Variants in MTUS2 observed in about 807,000 individuals in gnomAD.
MTUS2 encodes microtubule-associated tumor suppressor candidate 2.
Under a neutral mutation model 114.1 loss-of-function variants are expected in MTUS2, and 40 were observed. The ratio of observed to expected loss-of-function variants is 0.35; its 90% CI spans 0.27 to 0.46. MTUS2 has a LOEUF of 0.46. Ranked by LOEUF, MTUS2 falls within the 20% of genes least tolerant of loss-of-function variation. The probability of loss-of-function intolerance (pLI) is 1.00; values close to 1 mark genes in which losing one functional copy is unlikely to be tolerated. For synonymous variants in MTUS2, 688 were observed against 672.0 expected (o/e 1.02, Z -0.37); for missense variants, 1,679 against 1,705.4 (o/e 0.98, Z 0.27).
intron 4 of MTUS2, among the ~76,000 whole-genome samples, chr13:29,051,869 A>G (rs1007044365): frequency 6.6e-6 from 1 of 152,232 alleles, no homozygotes; most frequent in African/African-American, 2.4e-5. Context: ...TATAAGGGGC[A>G]AATAGCAAAA....
chr13:28,878,389 T>C (rs769292072), intron 2 of MTUS2, among the ~76,000 whole-genome samples: 1 of 152,186 alleles, frequency 6.6e-6, no homozygotes, highest in Non-Finnish European at 1.5e-5. Flanking sequence ...TTGTTGCATA[T>C]GTAAACATGT....
intron 2 of MTUS2, among the ~76,000 whole-genome samples, chr13:28,919,034 T>C (rs1446012389): frequency 6.6e-6 from 1 of 152,112 alleles, no homozygotes; most frequent in Non-Finnish European, 1.5e-5. Flanking sequence ...TTCTGTGTTG[T>C]AAAGTTTTTG....
intron 8 of MTUS2, among the ~76,000 whole-genome samples, chr13:29,402,670 A>G (rs1341302057): frequency 6.6e-6 from 1 of 152,216 alleles, no homozygotes; most frequent in Non-Finnish European, 1.5e-5. Flanking sequence ...TCCTTATAAT[A>G]TTCCAGTTCT....
At chr13:29,220,647 A>G (rs1405056846) in intron 5 of MTUS2, among the ~76,000 whole-genome samples, 1 of 152,238 alleles carries the variant, frequency 6.6e-6, no homozygotes, top group East Asian at 1.9e-4. Flanking sequence ...TTATATGGAT[A>G]TGGTTTTTGT....
intron 5 of MTUS2, among the ~76,000 whole-genome samples, chr13:29,159,606 G>A (rs1893009902): frequency 6.6e-6 from 1 of 151,630 alleles, no homozygotes; most frequent in African/African-American, 2.4e-5. Context: ...CCACATATCT[G>A]ACAAAGGACT....
chr13:29,342,614 T>C (rs61092600), intron 7 of MTUS2, among the ~76,000 whole-genome samples: 3,630 of 152,206 alleles, frequency 0.024, 137 homozygotes, highest in African/African-American at 0.082. Flanking sequence ...ACAGCGACAG[T>C]TTGACTTTCT....
chr13:29,002,499 A>G (rs1885429876), intron 2 of MTUS2, among the ~76,000 whole-genome samples: 1 of 152,212 alleles, frequency 6.6e-6, no homozygotes, highest in Non-Finnish European at 1.5e-5. Flanking sequence ...TGAAAATAGG[A>G]AAAGTTCTAT....
At chr13:29,368,755 G>A (rs1870952099) in intron 8 of MTUS2, among the ~76,000 whole-genome samples, 1 of 152,224 alleles carries the variant, frequency 6.6e-6, no homozygotes, top group African/African-American at 2.4e-5. Context: ...ATCTCCATGA[G>A]GGAATTAAGC....
chr13:28,952,473 A>G (rs1882858050), intron 2 of MTUS2, among the ~76,000 whole-genome samples: 1 of 152,212 alleles, frequency 6.6e-6, no homozygotes, highest in Admixed American at 6.5e-5. Context: ...TTTTCCTAAT[A>G]TCATATGCAT....
intron 1 of MTUS2, among the ~76,000 whole-genome samples, chr13:28,829,133 A>G (rs972770111): frequency 1.6e-4 from 25 of 152,252 alleles, no homozygotes; most frequent in African/African-American, 5.3e-4. Context: ...TATTTATTCA[A>G]GAAAAAGGAC....
At chr13:29,074,638 C>T (rs550927813) in intron 4 of MTUS2, among the ~76,000 whole-genome samples, 1 of 152,242 alleles carries the variant, frequency 6.6e-6, no homozygotes, top group African/African-American at 2.4e-5. Context: ...CTTCTGTGCT[C>T]CTCTCAAGTG....
chr13:29,044,292 G>A, intron 4 of MTUS2, among the ~76,000 whole-genome samples: 2 of 115,940 alleles, frequency 1.7e-5, no homozygotes, highest in East Asian at 6.6e-4. Context: ...GGTTTCTAGT[G>A]GAAAATCTAC....
chr13:29,217,002 C>T (rs772921941), intron 5 of MTUS2, among the ~76,000 whole-genome samples: 9 of 152,162 alleles, frequency 5.9e-5, no homozygotes, highest in Admixed American at 6.5e-5. Flanking sequence ...TACAAGCATC[C>T]ATGTTTCAAC....
chr13:29,442,178 G>A (rs1481429973), intron 9 of MTUS2, among the ~76,000 whole-genome samples: 1 of 152,178 alleles, frequency 6.6e-6, no homozygotes, highest in Non-Finnish European at 1.5e-5. Flanking sequence ...CACTGTGGGG[G>A]CAGCTCAGAG....
chr13:29,129,258 C>G (rs903392603), intron 5 of MTUS2, among the ~76,000 whole-genome samples: 1 of 149,034 alleles, frequency 6.7e-6, no homozygotes, highest in African/African-American at 2.5e-5. Flanking sequence ...TGTCATTTAG[C>G]TCTGTTATTT....
intron 1 of MTUS2, among the ~76,000 whole-genome samples, chr13:28,821,374 A>G (rs571063447): frequency 6.6e-6 from 1 of 152,320 alleles, no homozygotes; most frequent in East Asian, 1.9e-4. Context: ...GAATTCTTTG[A>G]CTACTTATTG....
intron 5 of MTUS2, among the ~76,000 whole-genome samples, chr13:29,187,085 C>G (rs1593575917): frequency 6.6e-6 from 1 of 151,720 alleles, no homozygotes; most frequent in South Asian, 2.1e-4. Flanking sequence ...ACACAACATA[C>G]TAAAACTTAT....
At chr13:29,476,825 T>A (rs1471817470) in intron 9 of MTUS2, 1 of 152,230 alleles carries the variant, frequency 6.6e-6, no homozygotes, top group Non-Finnish European at 1.5e-5. Context: ...GAACATTTCA[T>A]CTTTATCAGC....
chr13:29,376,199 T>G (rs940383111), intron 8 of MTUS2, among the ~76,000 whole-genome samples: 1 of 152,166 alleles, frequency 6.6e-6, no homozygotes, highest in Non-Finnish European at 1.5e-5. Context: ...TTAAAGTATA[T>G]TCAAGGTTAA....
Sources: gnomAD v4.1 joint callset for allele counts (sites outside exome capture counted in the v4.1 genomes callset) on GRCh38, gnomAD v4.1.1 for gene constraint, MANE v1.5 for transcripts, NCBI Gene and HGNC (gene_info 2026-07-23, HGNC 2026-07-21) for gene names.